USP49: variants seen among roughly 807,000 people sequenced by gnomAD.
USP49 encodes ubiquitin carboxyl-terminal hydrolase 49.
In USP49, 24 loss-of-function variants were observed where a neutral mutation model predicts 58.6. The observed-to-expected ratio is 0.41, with a 90% CI of 0.30 to 0.58. The LOEUF is 0.58. Ranked by LOEUF, USP49 falls within the 20% of genes least tolerant of loss-of-function variation. The pLI, the probability that USP49 is intolerant of heterozygous loss-of-function variation, is 0.30. For synonymous variants in USP49, 408 were observed against 365.1 expected, an observed-to-expected ratio of 1.12 and a Z score of -1.34; for missense variants, 703 against 866.1, an observed-to-expected ratio of 0.81 and a Z score of 2.36.
intron 2 of USP49, among the ~76,000 whole-genome samples, chr6:41,879,290 G>A (rs150337066): frequency 4.5e-4 from 68 of 152,198 alleles, no homozygotes; most frequent in Admixed American, 9.2e-4. Flanking sequence ...GTGCAGTGGC[G>A]CAATCACGGC....
At chr6:41,825,713 T>A (rs1408947951) in intron 3 of USP49, among the ~76,000 whole-genome samples, 1 of 152,052 alleles carries the variant, frequency 6.6e-6, no homozygotes, top group East Asian at 1.9e-4. Context: ...ATGAACAAGG[T>A]GTTGTGTGAG....
Position 41,794,937 on chromosome 6 carries a change from T to C in USP49, c.*1596A>G, listed in dbSNP as rs1290882326. The C allele has an allele frequency of 6.6e-6, 1 of 152,206 alleles. No homozygotes were observed. The highest frequency in any genetic ancestry group is 1.5e-5 in the Non-Finnish European group (1 of 68,046). The allele number at this position is 152,206 out of a possible 1,614,324, so 9.4% of individuals were successfully genotyped here. On this transcript the variant is annotated 3_prime_UTR_variant, in exon 8 of 8. Transcript: ENST00000682992. ...GGCAGGGCCTATGGGAGAGTTCATCTCAAAAGAGGTCAACAGCAAATGCTA... is the reference window on the plus strand; with the variant it reads ...GGCAGGGCCTATGGGAGAGTTCATCCCAAAAGAGGTCAACAGCAAATGCTA...
At position 41,870,903 on chromosome 6, in the gene USP49, T is replaced by TGC. The variant is rs1467289032; in HGVS notation, c.-29+660_-29+661insGC. Among the ~76,000 whole-genome samples the TGC allele has an allele frequency of 6.7e-3, 1,021 of 151,958 alleles. 11 individuals carry two copies. Among genetic ancestry groups the TGC allele is most frequent in the African/African-American group, 0.023 (960 of 41,464 alleles). On this transcript the variant is annotated intron_variant, in intron 3 of 7. Transcript: ENST00000682992. ...CCCGTTTCTACAAAAATACAAAAAT[T>TGC]AGCCAGGTGTCGTGGCGGGTGCCTG...
chr6:41,866,595 T>C (rs888509739), intron 3 of USP49, among the ~76,000 whole-genome samples: 4 of 152,150 alleles, frequency 2.6e-5, no homozygotes, highest in African/African-American at 9.7e-5. Flanking sequence ...ACTGGGATCA[T>C]TACAATGTTC....
intron 3 of USP49, among the ~76,000 whole-genome samples, chr6:41,854,551 T>C (rs748550147): frequency 1.3e-5 from 2 of 152,204 alleles, no homozygotes; most frequent in East Asian, 3.8e-4. Flanking sequence ...ATTTTGTTCT[T>C]GGGAAACACT....
intron 3 of USP49, among the ~76,000 whole-genome samples, chr6:41,814,643 GA>G (rs1294268817): frequency 4.5e-5 from 6 of 132,238 alleles, no homozygotes; most frequent in African/African-American, 8.5e-5. Flanking sequence ...AAAATAGGGG[GA>G]AAAAAAGAGG....
At chr6:41,861,421 C>T (rs1021017997) in intron 3 of USP49, among the ~76,000 whole-genome samples, 1 of 152,032 alleles carries the variant, frequency 6.6e-6, no homozygotes, top group Admixed American at 6.6e-5. Context: ...CCAGCCTGGG[C>T]GACAGAGTGA....
intron 7 of USP49, chr6:41,798,282 A>AT (rs1329719390): frequency 1.2e-4 from 21 of 174,914 alleles, no homozygotes; most frequent in South Asian, 2.5e-4. Flanking sequence ...AATTCTTTTT[A>AT]TTTTTTTTGA....
At chr6:41,840,270 A>T (rs555393319) in intron 3 of USP49, among the ~76,000 whole-genome samples, 1 of 151,186 alleles carries the variant, frequency 6.6e-6, no homozygotes, top group South Asian at 2.1e-4. Flanking sequence ...GCTACTCGGG[A>T]GGCTGAGGCA....
At chr6:41,849,647 T>G (rs1209420972) in intron 3 of USP49, among the ~76,000 whole-genome samples, 1 of 151,756 alleles carries the variant, frequency 6.6e-6, no homozygotes, top group Non-Finnish European at 1.5e-5. Flanking sequence ...GTTGCTCTGT[T>G]GCCAGGCTGG....
intron 2 of USP49, among the ~76,000 whole-genome samples, chr6:41,888,048 C>CTTTTTTTTTTTTT (rs35468035): frequency 4.7e-5 from 4 of 85,476 alleles, no homozygotes; most frequent in Non-Finnish European, 8.8e-5. Context: ...TCACAATCAG[C>CTTTTTTTTTTTTT]TTTTTTTTTT....
chr6:41,855,592 G>A (rs1774114133), intron 3 of USP49, among the ~76,000 whole-genome samples: 1 of 152,082 alleles, frequency 6.6e-6, no homozygotes, highest in South Asian at 2.1e-4. Context: ...AATGGTTAAG[G>A]AATAAATTTT....
At chr6:41,892,434 A>G (rs1374571682) in intron 1 of USP49, among the ~76,000 whole-genome samples, 5 of 152,236 alleles carry the variant, frequency 3.3e-5, no homozygotes, top group Non-Finnish European at 5.9e-5. Flanking sequence ...GAAAGTCAAC[A>G]TTATCAAACT....
At position 41,806,427 on chromosome 6, in the gene USP49, C is replaced by G. The variant is rs200523441; in HGVS notation, c.557G>C (p.Arg186Pro). Reference sequence around the variant, plus strand: ...CCGTTTCACCTCGCGCCGCCGCCTCCGCGCCTCCTCCTTCTTGCGCTCCAG... The same window carrying G: ...CCGTTTCACCTCGCGCCGCCGCCTCGGCGCCTCCTCCTTCTTGCGCTCCAG... ...EALERKKEEA[R>P]RRRREVKRRL... Residue 186 changes from arginine to proline, a missense_variant, in exon 4 of 8, where the codon CGG (arginine) becomes CCG (proline). Arg to Pro is a moderately radical substitution (Grantham distance 103, BLOSUM62 -2). Around this residue, in one of 6 missense-constraint regions of USP49, gnomAD observed 376 missense variants for 373.5 expected, o/e 1.01. Transcript: ENST00000682992. This position sits in a 1 kb window ranked among gnomAD's most constrained non-coding sequence, Gnocchi z 5.9. 227 of 1,580,032 alleles carry G rather than the reference C, an allele frequency of 1.4e-4. No individual in the cohort carries two copies. The highest frequency in any genetic ancestry group is 1.8e-4 in the Non-Finnish European group (215 of 1,171,624).
At chr6:41,887,173 G>A (rs1222756151) in intron 2 of USP49, 1 of 152,180 alleles carries the variant, frequency 6.6e-6, no homozygotes, top group Non-Finnish European at 1.5e-5. Context: ...ATTACCTTTT[G>A]GCCATTCTCT....
intron 3 of USP49, among the ~76,000 whole-genome samples, chr6:41,820,551 G>A (rs1053174444): frequency 2.0e-5 from 3 of 151,524 alleles, no homozygotes; most frequent in African/African-American, 7.3e-5. Context: ...TTGATATATG[G>A]AATTTGCTTT....
chr6:41,849,884 C>A (rs1363933527), intron 3 of USP49, among the ~76,000 whole-genome samples: 1 of 152,106 alleles, frequency 6.6e-6, no homozygotes, highest in Admixed American at 6.6e-5. Context: ...GGATTACAGG[C>A]ATGAGCCACT....
intron 5 of USP49, among the ~76,000 whole-genome samples, chr6:41,802,456 A>ATTTTTTTTTTTTTTTTTTTT (rs1186521851): frequency 2.8e-5 from 2 of 70,280 alleles, no homozygotes; most frequent in Admixed American, 1.7e-4. Flanking sequence ...TTATTTATTT[A>ATTTTTTTTTTTTTTTTTTTT]TTTATTTATT....
chr6:41,889,299 C>T (rs1774771598), intron 2 of USP49, among the ~76,000 whole-genome samples: 1 of 152,126 alleles, frequency 6.6e-6, no homozygotes, highest in Admixed American at 6.5e-5. Context: ...TCCCAATGTG[C>T]TAGGATTACA....
Sources: allele counts gnomAD v4.1 joint callset (sites outside exome capture counted in the v4.1 genomes callset), GRCh38; gene constraint gnomAD v4.1.1; regional missense constraint gnomAD v4.1.1; non-coding constraint Gnocchi (gnomAD v3.1); transcripts MANE v1.5; gene names NCBI Gene and HGNC (gene_info 2026-07-23, HGNC 2026-07-21).